The following MACROD2 variants were observed in gnomAD, a reference collection of about 807,000 sequenced individuals.
MACROD2 encodes mono-ADP ribosylhydrolase 2.
Under a neutral mutation model 70.4 loss-of-function variants are expected in MACROD2, and 36 were observed. That is an observed-to-expected ratio of 0.51 (90% CI 0.39 to 0.68). The LOEUF is 0.68. MACROD2 is among the 30% of genes least tolerant of loss of function. The pLI, the probability that MACROD2 is intolerant of heterozygous loss-of-function variation, is 0.00. For synonymous variants in MACROD2, 172 were observed against 178.8 expected (o/e 0.96, Z 0.30); for missense variants, 496 against 538.4 (o/e 0.92, Z 0.78).
At position 14,924,578 on chromosome 20, in the gene MACROD2, A is replaced by G. The variant is rs1231480884; in HGVS notation, c.418+239619A>G. 2.0e-5 allele frequency among the ~76,000 whole-genome samples: 3 copies of G among 152,310 alleles called. No individual in the cohort carries two copies. In the East Asian group the frequency reaches 5.8e-4, roughly 29 times the overall value. On this transcript the variant is annotated intron_variant, in intron 5 of 17. Coordinates refer to ENST00000684519, the MANE Select transcript of MACROD2 (RefSeq NM_001351661.2). ...TAGGAAAGGGTAGATGAGAGCATTTATTTATCTAAGATCTTTTGTATAGAT... is the reference window on the plus strand; with the variant it reads ...TAGGAAAGGGTAGATGAGAGCATTTGTTTATCTAAGATCTTTTGTATAGAT...
intron 3 of MACROD2, among the ~76,000 whole-genome samples, chr20:14,243,567 A>G (rs577152061): frequency 6.6e-6 from 1 of 152,306 alleles, no homozygotes; most frequent in South Asian, 2.1e-4. Flanking sequence ...TACGGAAAAC[A>G]CAGCTCCGTT....
At chr20:15,139,182 T>C (rs1488924197) in intron 5 of MACROD2, among the ~76,000 whole-genome samples, 1 of 152,182 alleles carries the variant, frequency 6.6e-6, no homozygotes, top group East Asian at 1.9e-4. Context: ...AGTCAGTCTT[T>C]GTTCTTGCTC....
At chr20:14,124,835 G>T (rs945928065) in intron 3 of MACROD2, among the ~76,000 whole-genome samples, 1 of 152,020 alleles carries the variant, frequency 6.6e-6, no homozygotes, top group Non-Finnish European at 1.5e-5. Flanking sequence ...ATATGTTTTC[G>T]CAAGAACTTT....
intron 8 of MACROD2, among the ~76,000 whole-genome samples, chr20:15,848,194 A>ACT (rs538491509): frequency 3.3e-5 from 5 of 151,634 alleles, no homozygotes; most frequent in African/African-American, 1.2e-4. Context: ...TGTATCAATC[A>ACT]CTCTCTCTCT....
At chr20:15,473,771 CTCTAGTCCCAGTTTGCTTTT>C (rs1555825797) in intron 7 of MACROD2, among the ~76,000 whole-genome samples, 2 of 152,206 alleles carry the variant, frequency 1.3e-5, no homozygotes, top group Non-Finnish European at 2.9e-5. Flanking sequence ...TGTTTCCTTT[CTCTAGTCCCAGTTTGCTTTT>C]CTCTTCACAA....
At chr20:14,991,637 C>T (rs1279800167) in intron 5 of MACROD2, among the ~76,000 whole-genome samples, 1 of 152,146 alleles carries the variant, frequency 6.6e-6, no homozygotes, top group Non-Finnish European at 1.5e-5. Flanking sequence ...TTATGCACTG[C>T]CTACTTCAAA....
chr20:15,896,200 G>C (rs1322509281), intron 10 of MACROD2, among the ~76,000 whole-genome samples: 1 of 152,012 alleles, frequency 6.6e-6, no homozygotes, highest in Non-Finnish European at 1.5e-5. Context: ...GAAGCTCCTG[G>C]TATTTTTATT....
chr20:15,783,001 T>G (rs192281704), intron 8 of MACROD2, among the ~76,000 whole-genome samples: 3 of 152,278 alleles, frequency 2.0e-5, no homozygotes, highest in Admixed American at 2.0e-4. Flanking sequence ...AGGTAAATAT[T>G]TTTCAAAATT....
At chr20:15,263,146 T>G (rs1375308227) in intron 6 of MACROD2, among the ~76,000 whole-genome samples, 1 of 152,104 alleles carries the variant, frequency 6.6e-6, no homozygotes, top group Non-Finnish European at 1.5e-5. Context: ...ATCCCCATTG[T>G]TTTCTTTTAG....
intron 9 of MACROD2, among the ~76,000 whole-genome samples, chr20:15,877,961 T>C (rs969498101): frequency 6.6e-6 from 1 of 152,054 alleles, no homozygotes; most frequent in Non-Finnish European, 1.5e-5. Flanking sequence ...TCTGTCCATT[T>C]TTTTCCCTTG....
chr20:14,653,457 A>G (rs951997695), intron 4 of MACROD2, among the ~76,000 whole-genome samples: 13 of 151,446 alleles, frequency 8.6e-5, no homozygotes, highest in Non-Finnish European at 1.2e-4. Flanking sequence ...TGACCTCGTG[A>G]TCTTCCCGCC....
chr20:15,941,004 AGTT>A (rs996354033), intron 12 of MACROD2, among the ~76,000 whole-genome samples: 1 of 152,150 alleles, frequency 6.6e-6, no homozygotes, highest in Non-Finnish European at 1.5e-5. Flanking sequence ...TTTCCTGTTG[AGTT>A]GTTTAATTTG....
chr20:15,573,557 G>C (rs2048404222), intron 8 of MACROD2, among the ~76,000 whole-genome samples: 1 of 152,186 alleles, frequency 6.6e-6, no homozygotes, highest in South Asian at 2.1e-4. Flanking sequence ...TTGTTTGGAA[G>C]AAGAGTAGAG....
intron 8 of MACROD2, among the ~76,000 whole-genome samples, chr20:15,812,267 T>A (rs1050833623): frequency 6.6e-6 from 1 of 152,212 alleles, no homozygotes; most frequent in Non-Finnish European, 1.5e-5. Flanking sequence ...TCCTTTCTCT[T>A]ATTATTTTTC....
chr20:14,285,587 A>C (rs1167774461), intron 3 of MACROD2, among the ~76,000 whole-genome samples: 1 of 151,946 alleles, frequency 6.6e-6, no homozygotes, highest in Non-Finnish European at 1.5e-5. Context: ...TTAAATGGAG[A>C]GTAAAAAACA....
Position 15,012,533 on chromosome 20 carries a change from A to T in MACROD2, c.419-217407A>T, listed in dbSNP as rs189387558. 6.2e-3 allele frequency among the ~76,000 whole-genome samples: 951 copies of T among 152,302 alleles called. 10 individuals carry two copies. The highest frequency in any genetic ancestry group is 8.9e-3 in the Non-Finnish European group (605 of 68,022). Reference sequence around the variant, plus strand: ...ACAAGAGCCCGGTAGTTCTTATAGCATTCGGAGCCAATGGGAAGGAGTACA... The same window carrying T: ...ACAAGAGCCCGGTAGTTCTTATAGCTTTCGGAGCCAATGGGAAGGAGTACA... On this transcript the variant is annotated intron_variant, in intron 5 of 17. Coordinates refer to ENST00000684519, the MANE Select transcript of MACROD2 (RefSeq NM_001351661.2).
At chr20:14,011,201 T>C (rs1324853666) in intron 2 of MACROD2, among the ~76,000 whole-genome samples, 2 of 152,166 alleles carry the variant, frequency 1.3e-5, no homozygotes, top group Admixed American at 6.5e-5. Flanking sequence ...AAAATAACTT[T>C]AAAAGGCAGT....
intron 5 of MACROD2, among the ~76,000 whole-genome samples, chr20:15,198,714 T>C (rs565227356): frequency 1.3e-5 from 2 of 152,326 alleles, no homozygotes; most frequent in East Asian, 3.9e-4. Flanking sequence ...ATTTCTCTTT[T>C]GTATAGAATC....
At chr20:14,177,239 A>G (rs2081269646) in intron 3 of MACROD2, among the ~76,000 whole-genome samples, 2 of 152,132 alleles carry the variant, frequency 1.3e-5, no homozygotes, top group Admixed American at 1.3e-4. Context: ...CAAAAAAGAG[A>G]AAACTACAAG....
Sources: gnomAD v4.1 joint callset for allele counts (sites outside exome capture counted in the v4.1 genomes callset) on GRCh38, gnomAD v4.1.1 for gene constraint, MANE v1.5 for transcripts, NCBI Gene and HGNC (gene_info 2026-07-23, HGNC 2026-07-21) for gene names.